PDE4D: variants seen among roughly 807,000 people sequenced by gnomAD.
PDE4D encodes 3',5'-cyclic-AMP phosphodiesterase 4D.
A neutral mutation model predicts 87.4 loss-of-function variants in PDE4D; 24 were observed. That is an observed-to-expected ratio of 0.27 (90% CI 0.20 to 0.39). The LOEUF (loss-of-function observed/expected upper bound fraction) is 0.39. Among genes scored for constraint, PDE4D ranks in the 10% least tolerant of loss-of-function variants. The probability of loss-of-function intolerance (pLI) is 1.00; values close to 1 mark genes in which losing one functional copy is unlikely to be tolerated. For missense variants in PDE4D, 714 were observed against 1,041.0 expected (o/e 0.69, Z 4.32); for synonymous variants, 384 against 383.2 (o/e 1.00, Z -0.02).
chr5:60,415,867 C>T (rs991918854), intron 1 of PDE4D, among the ~76,000 whole-genome samples: 1 of 152,246 alleles, frequency 6.6e-6, no homozygotes, highest in Non-Finnish European at 1.5e-5. Flanking sequence ...TGGGTGAAGC[C>T]ATCTGGGCTC....
In PDE4D at chr5:60,126,612, TA is replaced by T. The variant is rs199507978; in HGVS notation, c.42+58944del. 4.8e-4 allele frequency among the ~76,000 whole-genome samples: 73 copies of T among 152,340 alleles called. No individual in the cohort carries two copies. The East Asian group carries it at 0.013, about 27-fold the overall frequency. On this transcript the variant is annotated intron_variant, in intron 2 of 16. Transcript: ENST00000502484. ...AACAAAATGGCACACTTGTATTTTT[TA>T]TTGGGAGTCAAACTGGGCTGGCCAA...
chr5:59,249,654 G>A (rs540028921), intron 1 of PDE4D, among the ~76,000 whole-genome samples: 1 of 152,116 alleles, frequency 6.6e-6, no homozygotes, highest in Non-Finnish European at 1.5e-5. Context: ...ATGGAAAAAT[G>A]CTCATGATAA....
intron 1 of PDE4D, among the ~76,000 whole-genome samples, chr5:59,411,805 T>C (rs1456731597): frequency 6.6e-6 from 1 of 152,212 alleles, no homozygotes; most frequent in Non-Finnish European, 1.5e-5. Flanking sequence ...ATAAAAAAGA[T>C]CACATTTAAA....
intron 1 of PDE4D, among the ~76,000 whole-genome samples, chr5:60,339,822 C>G (rs1758147350): frequency 6.6e-6 from 1 of 152,232 alleles, no homozygotes; most frequent in African/African-American, 2.4e-5. Context: ...GCTCAGCACA[C>G]TGCCTTCCAC....
At chr5:59,577,963 T>G (rs73758814) in intron 1 of PDE4D, among the ~76,000 whole-genome samples, 2,733 of 152,282 alleles carry the variant, frequency 0.018, 82 homozygotes, top group African/African-American at 0.061. Context: ...CATATTATGT[T>G]TCCTTATTTC....
chr5:60,003,756 G>T (rs76303971), intron 2 of PDE4D, among the ~76,000 whole-genome samples: 1 of 149,538 alleles, frequency 6.7e-6, no homozygotes, highest in Non-Finnish European at 1.5e-5. Context: ...AGTTGGAAGC[G>T]TCATACTCCC....
At chr5:59,553,186 C>T (rs1034370386) in intron 1 of PDE4D, among the ~76,000 whole-genome samples, 6 of 152,148 alleles carry the variant, frequency 3.9e-5, no homozygotes, top group East Asian at 3.9e-4. Flanking sequence ...TCTCCCTTTC[C>T]GTATGTACAT....
At chr5:59,965,091 T>C (rs116192217) in intron 3 of PDE4D, among the ~76,000 whole-genome samples, 154 of 152,324 alleles carry the variant, frequency 1.0e-3, no homozygotes, top group African/African-American at 3.6e-3. Context: ...TATTTTACTA[T>C]GGATAAACTG....
At chr5:59,885,946 TTTCTGAGA>T (rs1441149206) in intron 1 of PDE4D, among the ~76,000 whole-genome samples, 2 of 152,222 alleles carry the variant, frequency 1.3e-5, no homozygotes, top group African/African-American at 4.8e-5. Flanking sequence ...TGTGTCTATT[TTTCTGAGA>T]TTCAATATTC....
At chr5:59,952,079 G>A (rs370020251) in intron 3 of PDE4D, among the ~76,000 whole-genome samples, 10 of 152,188 alleles carry the variant, frequency 6.6e-5, no homozygotes, top group African/African-American at 2.2e-4. Context: ...TCCCCCATCC[G>A]GCTCTTGTGA....
chr5:59,241,563 A>T (rs1030500151), intron 1 of PDE4D, among the ~76,000 whole-genome samples: 1 of 152,226 alleles, frequency 6.6e-6, no homozygotes, highest in African/African-American at 2.4e-5. Flanking sequence ...CAGCTTAAGG[A>T]CACACACAAA....
chr5:59,100,213 T>G (rs184054513), intron 5 of PDE4D, among the ~76,000 whole-genome samples: 60 of 152,352 alleles, frequency 3.9e-4, no homozygotes, highest in Non-Finnish European at 5.6e-4. Context: ...TCTTTGGCGG[T>G]GCGCCACTGT....
intron 5 of PDE4D, among the ~76,000 whole-genome samples, chr5:59,077,507 T>C (rs1018906092): frequency 3.5e-5 from 5 of 141,698 alleles, no homozygotes; most frequent in Admixed American, 7.8e-5. Flanking sequence ...AGAGTCTCAC[T>C]CTGTTGCCCA....
At chr5:59,918,865 A>G (rs1013378442) in intron 3 of PDE4D, among the ~76,000 whole-genome samples, 2 of 152,216 alleles carry the variant, frequency 1.3e-5, no homozygotes, top group Non-Finnish European at 2.9e-5. Flanking sequence ...GCAGCCTTGC[A>G]GAGGACCAGC....
At chr5:60,414,601 A>C (rs1223381744) in intron 1 of PDE4D, among the ~76,000 whole-genome samples, 1 of 152,246 alleles carries the variant, frequency 6.6e-6, no homozygotes, top group Non-Finnish European at 1.5e-5. Context: ...CAGAATATGC[A>C]ACCTACTTCT....
chr5:59,943,961 G>A (rs186756147), intron 3 of PDE4D, among the ~76,000 whole-genome samples: 1 of 152,306 alleles, frequency 6.6e-6, no homozygotes, highest in African/African-American at 2.4e-5. Context: ...AGGAAATGCA[G>A]GGAGGAAAGG....
chr5:59,006,605 T>C (rs1751677144), intron 6 of PDE4D, among the ~76,000 whole-genome samples: 1 of 151,990 alleles, frequency 6.6e-6, no homozygotes, highest in Non-Finnish European at 1.5e-5. Flanking sequence ...AAAATTCCCA[T>C]AATGTTCAGT....
rs955696775 is a variant in PDE4D, at chr5:58,975,899, A to C, written c.1831-60T>G. 4 of 951,882 alleles carry C rather than the reference A, an allele frequency of 4.2e-6. No individual in the cohort carries two copies. Among genetic ancestry groups the C allele is most frequent in the Non-Finnish European group, 5.8e-6 (4 of 692,260 alleles). The allele number at this position is 951,882 out of a possible 1,614,324, so 59.0% of individuals were successfully genotyped here. On this transcript the variant is annotated intron_variant, in intron 13 of 14. Transcript: ENST00000340635. This position sits in a 1 kb window ranked among gnomAD's most constrained non-coding sequence, Gnocchi z 4.2. ...GTTCCTTTTTTTTAAAAAAAAAAACAAAAAAAACTAGAAATTCACATTGGA... is the reference window on the plus strand; with the variant it reads ...GTTCCTTTTTTTTAAAAAAAAAAACCAAAAAAACTAGAAATTCACATTGGA...
chr5:60,227,711 A>T (rs1465545458), intron 1 of PDE4D, among the ~76,000 whole-genome samples: 1 of 152,014 alleles, frequency 6.6e-6, no homozygotes, highest in Non-Finnish European at 1.5e-5. Context: ...GTCTTTGCAC[A>T]TTCACTCTTG....
Sources: allele counts gnomAD v4.1 joint callset (sites outside exome capture counted in the v4.1 genomes callset), GRCh38; gene constraint gnomAD v4.1.1; non-coding constraint Gnocchi (gnomAD v3.1); transcripts MANE v1.5; gene names NCBI Gene and HGNC (gene_info 2026-07-23, HGNC 2026-07-21).